Variants in CSNK2A1 observed in about 807,000 individuals in gnomAD.
CSNK2A1 encodes casein kinase 2 alpha 1, also known as casein kinase II subunit alpha.
A neutral mutation model predicts 62.9 loss-of-function variants in CSNK2A1; 10 were observed. The ratio of observed to expected loss-of-function variants is 0.16; its 90% CI spans 0.10 to 0.27. CSNK2A1 has a LOEUF of 0.27. Among genes scored for constraint, CSNK2A1 ranks in the 10% least tolerant of loss-of-function variants. The probability of loss-of-function intolerance (pLI) is 1.00; values close to 1 mark genes in which losing one functional copy is unlikely to be tolerated. For missense variants in CSNK2A1, 160 were observed against 492.0 expected (o/e 0.33, Z 6.38); for synonymous variants, 124 against 167.8 (o/e 0.74, Z 2.02).
rs2017943141 is a variant in CSNK2A1 at position 480,843 on chromosome 20, A to G, written c.*3118T>C. On this transcript the variant is annotated 3_prime_UTR_variant, in exon 14 of 14. Transcript: ENST00000217244. ...GGTGAAGCAAAGATGAAAGTTAAAA[A>G]CTAAGAAGAAATTAAAATTCCCAAA... The G allele has an allele frequency of 6.6e-6, 1 of 152,226 alleles. No homozygotes were observed. Among genetic ancestry groups the G allele is most frequent in the African/African-American group, 2.4e-5 (1 of 41,460 alleles). The allele number at this position is 152,226 out of a possible 1,614,324, so 9.4% of individuals were successfully genotyped here.
At chr20:503,811 T>C (rs529477285) in intron 4 of CSNK2A1, 1 of 397,360 alleles carries the variant, frequency 2.5e-6, no homozygotes, top group African/African-American at 2.1e-5. Flanking sequence ...TATAGTTATA[T>C]AAGAACAAAT....
intron 1 of CSNK2A1, chr20:539,526 T>C (rs902929101): frequency 5.8e-4 from 89 of 152,354 alleles, no homozygotes; most frequent in African/African-American, 2.1e-3. Context: ...AAAAGTTCTC[T>C]GCTTTTAAGT....
rs950511333 is a variant in CSNK2A1 at position 481,835 on chromosome 20, G to C, written c.*2126C>G. 9.2e-5 allele frequency: 14 copies of C among 152,164 alleles called. No homozygotes were observed. The highest frequency in any genetic ancestry group is 5.9e-4 in the Admixed American group (9 of 15,278). The allele number at this position is 152,164 out of a possible 1,614,324, so 9.4% of individuals were successfully genotyped here. A position where few individuals can be genotyped will look rare whatever the true frequency, so the allele number is the denominator to read the frequency against. On this transcript the variant is annotated 3_prime_UTR_variant, in exon 14 of 14. Coordinates refer to ENST00000217244, the MANE Select transcript of CSNK2A1 (RefSeq NM_177559.3). ...TCCAGTGCAAACATAATCACAAATT[G>C]CATCTCTGGCACATCTGGTGCTTTT...
At chr20:533,299 A>G (rs1251079082) in intron 1 of CSNK2A1, among the ~76,000 whole-genome samples, 1 of 152,246 alleles carries the variant, frequency 6.6e-6, no homozygotes, top group African/African-American at 2.4e-5. Flanking sequence ...AAATACTCTC[A>G]GTAATACTTA....
At chr20:508,944 A>G (rs916497869) in intron 2 of CSNK2A1, among the ~76,000 whole-genome samples, 1 of 152,230 alleles carries the variant, frequency 6.6e-6, no homozygotes, top group Non-Finnish European at 1.5e-5. Flanking sequence ...GGAAGAGAAA[A>G]ATGGCATTGA....
intron 9 of CSNK2A1, among the ~76,000 whole-genome samples, chr20:490,335 C>CCTTTTTTTT (rs1807855109): frequency 1.2e-5 from 1 of 84,804 alleles, no homozygotes; most frequent in Admixed American, 1.3e-4. Context: ...CTAGTTTTTT[C>CCTTTTTTTT]TTTTTTTTTT....
At chr20:541,278 C>T (rs1029934433) in intron 1 of CSNK2A1, among the ~76,000 whole-genome samples, 4 of 152,156 alleles carry the variant, frequency 2.6e-5, no homozygotes, top group African/African-American at 9.6e-5. Context: ...CTTAATTACA[C>T]CTGCCAAGTT....
At position 480,445 on chromosome 20, in the gene CSNK2A1, T is replaced by C. The variant is rs565973231; in HGVS notation, c.*3516A>G. On this transcript the variant is annotated 3_prime_UTR_variant, in exon 14 of 14. Transcript: ENST00000217244. ...ACTTAAAAAAAAAAACAAAAGGTTT[T>C]AATGAGGATTGCATAAGACATGCAA... 8 of 152,150 alleles carry C rather than the reference T, an allele frequency of 5.3e-5. No individual in the cohort carries two copies. Among genetic ancestry groups the C allele is most frequent in the African/African-American group, 1.9e-4 (8 of 41,496 alleles). The allele number at this position is 152,150 out of a possible 1,614,324, so 9.4% of individuals were successfully genotyped here.
At chr20:523,662 C>A (rs577199614) in intron 2 of CSNK2A1, among the ~76,000 whole-genome samples, 1 of 151,056 alleles carries the variant, frequency 6.6e-6, no homozygotes, top group East Asian at 2.0e-4. Flanking sequence ...GAGGCCGAAG[C>A]GGATGGATCA....
At chr20:522,366 A>G (rs2018969876) in intron 2 of CSNK2A1, among the ~76,000 whole-genome samples, 3 of 152,250 alleles carry the variant, frequency 2.0e-5, no homozygotes, top group Admixed American at 1.3e-4. Flanking sequence ...TGCCCCTGAT[A>G]TAATGTGATG....
chr20:487,613 T>C (rs775294970), intron 11 of CSNK2A1, 38 bp from the exon 12 acceptor site: 5 of 1,613,370 alleles, frequency 3.1e-6, no homozygotes, highest in Non-Finnish European at 4.2e-6. Context: ...ATGGGCCACG[T>C]GGGCACAGAA....
chr20:513,206 G>C (rs2018760113), intron 2 of CSNK2A1, among the ~76,000 whole-genome samples: 2 of 152,176 alleles, frequency 1.3e-5, no homozygotes. Context: ...TTACTCTTCT[G>C]GTTAACATTT....
At chr20:487,669 G>T in intron 11 of CSNK2A1, 94 bp from the exon 12 acceptor site, 1 of 1,560,718 alleles carries the variant, frequency 6.4e-7, no homozygotes, top group Non-Finnish European at 8.7e-7. Flanking sequence ...TAACAGCCCA[G>T]ACAAAAGCAA....
chr20:508,615 G>A lies in CSNK2A1; in HGVS notation c.-64C>T. ...GGAGATCTGGCAGTCACTGTGTTCAGAAGCAGCTGGGGGTAAGACCTTGTT... is the reference window on the plus strand; with the variant it reads ...GGAGATCTGGCAGTCACTGTGTTCAAAAGCAGCTGGGGGTAAGACCTTGTT... On this transcript the variant is annotated 5_prime_UTR_variant, in exon 3 of 14. Transcript: ENST00000217244. 1.9e-6 allele frequency: 3 copies of A among 1,540,246 alleles called. No individual in the cohort carries two copies. The highest frequency in any genetic ancestry group is 2.7e-6 in the Non-Finnish European group (3 of 1,120,108).
At chr20:537,960 C>T (rs2019369405) in intron 1 of CSNK2A1, among the ~76,000 whole-genome samples, 1 of 147,098 alleles carries the variant, frequency 6.8e-6, no homozygotes, top group Admixed American at 6.7e-5. Flanking sequence ...AGACAGTTAA[C>T]ATCTTTTTTT....
chr20:512,403 T>C (rs1196574026), intron 2 of CSNK2A1, among the ~76,000 whole-genome samples: 1 of 152,250 alleles, frequency 6.6e-6, no homozygotes, highest in African/African-American at 2.4e-5. Flanking sequence ...GTTTTGTTTG[T>C]TGACGATGCA....
At chr20:498,907 A>T (rs924149786) in intron 6 of CSNK2A1, 1 of 158,606 alleles carries the variant, frequency 6.3e-6, no homozygotes, top group East Asian at 1.8e-4. Context: ...TACATACAAT[A>T]TATTTCTTCC....
intron 2 of CSNK2A1, among the ~76,000 whole-genome samples, chr20:511,709 C>CAT (rs1343299322): frequency 6.6e-6 from 1 of 151,018 alleles, no homozygotes; most frequent in African/African-American, 2.4e-5. Context: ...TATATACACA[C>CAT]ACACACACAC....
chr20:538,078 C>T (rs1019625741), intron 1 of CSNK2A1, among the ~76,000 whole-genome samples: 3 of 151,804 alleles, frequency 2.0e-5, no homozygotes, highest in Admixed American at 6.6e-5. Context: ...TGATTCTCAG[C>T]CTCCTGAGTA....
Sources: allele counts gnomAD v4.1 joint callset (sites outside exome capture counted in the v4.1 genomes callset), GRCh38; gene constraint gnomAD v4.1.1; transcripts MANE v1.5; gene names NCBI Gene and HGNC (gene_info 2026-07-23, HGNC 2026-07-21).